Variants in TTYH3 observed in about 807,000 individuals in gnomAD.
TTYH3 encodes the protein protein tweety homolog 3.
TTYH3 carries 23 observed loss-of-function variants against 68.2 expected under a neutral mutation model. That is an observed-to-expected ratio of 0.34 (90% confidence interval 0.24 to 0.48). TTYH3 has a LOEUF of 0.48. TTYH3 is among the 20% of genes least tolerant of loss of function. The pLI is 0.99. For synonymous variants in TTYH3, 360 were observed against 332.8 expected (o/e 1.08, Z -0.89); for missense variants, 768 against 727.7 (o/e 1.06, Z -0.64).
intron 1 of TTYH3, among the ~76,000 whole-genome samples, chr7:2,638,814 G>T (rs2114974339): frequency 6.6e-6 from 1 of 152,312 alleles, no homozygotes; most frequent in African/African-American, 2.4e-5. Flanking sequence ...CCGCATGGGG[G>T]GCTGAGGCCT....
intron 1 of TTYH3, among the ~76,000 whole-genome samples, chr7:2,638,745 G>A (rs1020138096): frequency 2.0e-5 from 3 of 152,202 alleles, no homozygotes; most frequent in Admixed American, 6.5e-5. Flanking sequence ...GGCCAGTGTC[G>A]CTGGGAGCCT....
rs1457161033 is a variant in TTYH3, at chr7:2,645,709, C to G, written c.124-1144C>G. Reference sequence around the variant, plus strand: ...GTGCCCACCCCTGAGTGCAGCTTCTCGGTGCACAGACCCCAGACAGGATCA... The same window carrying G: ...GTGCCCACCCCTGAGTGCAGCTTCTGGGTGCACAGACCCCAGACAGGATCA... On this transcript the variant is annotated intron_variant, in intron 1 of 13. Coordinates refer to ENST00000258796, the MANE Select transcript of TTYH3 (RefSeq NM_025250.3). The surrounding 1 kb of genome is among the most constrained non-coding windows in gnomAD (Gnocchi z 4.8). 2.2e-6 allele frequency: 1 copy of G among 450,640 alleles called. No homozygotes were observed. Among genetic ancestry groups the G allele is most frequent in the African/African-American group, 2.0e-5 (1 of 49,034 alleles). 27.9% of individuals were successfully genotyped at this position (450,640 alleles called of 1,614,324 possible). A position where few individuals can be genotyped will look rare whatever the true frequency, so the allele number is the denominator to read the frequency against.
rs950360496 is a variant in TTYH3 at position 2,664,718 on chromosome 7, C to T, written c.*2979C>T. On this transcript the variant is annotated 3_prime_UTR_variant, in exon 14 of 14. Transcript: ENST00000258796. ...TTTCTTTGGGGGCTTTTTTTCTTGG[C>T]AAATACTAAAAATCTCGTCAATGTA... 6.6e-6 allele frequency: 1 copy of T among 152,136 alleles called. No individual in the cohort carries two copies. Among genetic ancestry groups the T allele is most frequent in the Non-Finnish European group, 1.5e-5 (1 of 67,996 alleles). 9.4% of individuals were successfully genotyped at this position (152,136 alleles called of 1,614,324 possible).
At position 2,661,732 on chromosome 7, in the gene TTYH3, G is replaced by A. The variant is rs1307680493; in HGVS notation, c.1565G>A (p.Ser522Asn). ...CAGCCTCGCCCTGACTCCAGCGGCAGCCACTAGACCGCGCCCGGCAGCCAC... is the reference window on the plus strand; with the variant it reads ...CAGCCTCGCCCTGACTCCAGCGGCAACCACTAGACCGCGCCCGGCAGCCAC... ...TSQPRPDSSG[S>N]H The change falls in exon 14 of 14, where the codon AGC (serine) becomes AAC (asparagine). Residue 522 changes from serine to asparagine, a missense_variant. Physicochemically the swap from Ser to Asn is conservative, Grantham distance 46. Transcript: ENST00000258796. 2 of 1,611,228 alleles carry A rather than the reference G, an allele frequency of 1.2e-6. No homozygotes were observed. The highest frequency in any genetic ancestry group is 1.3e-5 in the African/African-American group (1 of 74,868).
At chr7:2,646,407 C>A (rs950927966) in intron 1 of TTYH3, among the ~76,000 whole-genome samples, 2 of 152,212 alleles carry the variant, frequency 1.3e-5, no homozygotes, top group African/African-American at 4.8e-5. Flanking sequence ...GGTGGCTCAC[C>A]AGCAGCGTCC....
intron 1 of TTYH3, among the ~76,000 whole-genome samples, chr7:2,644,062 C>A (rs1352252030): frequency 6.6e-6 from 1 of 152,194 alleles, no homozygotes; most frequent in Non-Finnish European, 1.5e-5. Flanking sequence ...GTCTGACCAG[C>A]CCGGGGCCAA....
chr7:2,649,932 T>G lies in TTYH3; in HGVS notation c.815T>G (p.Val272Gly), dbSNP rs760620046. The change falls in exon 7 of 14, where the codon GTG (valine) becomes GGG (glycine). Residue 272 changes from valine (V) to glycine (G), a missense_variant. Val to Gly is a moderately radical substitution (Grantham distance 109, BLOSUM62 -3). Transcript: ENST00000258796. ...AVSVGSSDFC[V>G]DPDAYVTKMV... ...CCTCAGGGCTCCAGCGACTTCTGTG[T>G]GGACCCTGACGCCTACGTGACCAAA... is the stretch of plus-strand genomic sequence containing the variant. The G allele has an allele frequency of 1.2e-6, 2 of 1,613,926 alleles. No homozygotes were observed. The highest frequency in any genetic ancestry group is 1.7e-6 in the Non-Finnish European group (2 of 1,179,946).
chr7:2,639,702 C>G (rs549584836), intron 1 of TTYH3, among the ~76,000 whole-genome samples: 1 of 152,216 alleles, frequency 6.6e-6, no homozygotes, highest in African/African-American at 2.4e-5. Flanking sequence ...GCTGTGTGGC[C>G]GTTACCATAT....
At chr7:2,657,281 G>GTGATGGTGATGGTGATGCTGCCAACGA in intron 11 of TTYH3, among the ~76,000 whole-genome samples, 1 of 152,234 alleles carries the variant, frequency 6.6e-6, no homozygotes, top group Admixed American at 6.5e-5. Flanking sequence ...ATTTTCCTTT[G>GTGATGGTGATGGTGATGCTGCCAACGA]TGATGGTGAT....
chr7:2,632,038 A>C lies in TTYH3; in HGVS notation c.-118A>C. 1.6e-5 allele frequency: 15 copies of C among 911,994 alleles called. No homozygotes were observed. Among genetic ancestry groups the C allele is most frequent in the South Asian group, 5.2e-5 (1 of 19,124 alleles). 56.5% of individuals were successfully genotyped at this position (911,994 alleles called of 1,614,324 possible). On this transcript the variant is annotated 5_prime_UTR_variant, in exon 1 of 14. Transcript: ENST00000258796. ...CGAGCCGGGCCGGGCCGGGCCCAGG[A>C]GCGCGCGGATGATGCGGGCGGCCAG...
rs1054938599 is a variant in TTYH3, at chr7:2,661,735, A to G, written c.1568A>G (p.His523Arg). 1.6e-5 allele frequency: 26 copies of G among 1,610,796 alleles called. No individual in the cohort carries two copies. The highest frequency in any genetic ancestry group is 2.0e-5 in the Non-Finnish European group (24 of 1,179,328). ...CCTCGCCCTGACTCCAGCGGCAGCC[A>G]CTAGACCGCGCCCGGCAGCCACCCA... ...SQPRPDSSGSH is the reference protein window; with the variant it reads ...SQPRPDSSGSR The change falls in exon 14 of 14, where the codon CAC (histidine) becomes CGC (arginine). Residue 523 changes from histidine to arginine, a missense_variant. His to Arg is a conservative substitution (Grantham distance 29, BLOSUM62 0). Coordinates refer to ENST00000258796, the MANE Select transcript of TTYH3 (RefSeq NM_025250.3).
chr7:2,647,114 CTA>C, intron 2 of TTYH3, 26 bp from the exon 3 acceptor site: 1 of 1,571,200 alleles, frequency 6.4e-7, no homozygotes, highest in East Asian at 2.3e-5. Flanking sequence ...GTGGGCGGGG[CTA>C]CATCTCACGG....
At chr7:2,658,846 C>G (rs1786410932) in intron 12 of TTYH3, 94 bp from the exon 13 acceptor site, 1 of 1,203,190 alleles carries the variant, frequency 8.3e-7, no homozygotes, top group Non-Finnish European at 1.2e-6. Flanking sequence ...ATGTGCCCAT[C>G]TGGGCACAGC....
At chr7:2,644,033 G>A (rs927254670) in intron 1 of TTYH3, among the ~76,000 whole-genome samples, 1 of 152,200 alleles carries the variant, frequency 6.6e-6, no homozygotes, top group African/African-American at 2.4e-5. Flanking sequence ...GGAGAGCAGA[G>A]GGAGGGCTCG....
At chr7:2,640,151 G>A (rs1455970538) in intron 1 of TTYH3, among the ~76,000 whole-genome samples, 1 of 152,246 alleles carries the variant, frequency 6.6e-6, no homozygotes, top group Non-Finnish European at 1.5e-5. Context: ...GCGAGCAGCC[G>A]TGGCTGGAAT....
Position 2,649,905 on chromosome 7 carries a change from C to T in TTYH3, c.796-8C>T. On this transcript the variant is annotated splice_region_variant and splice_polypyrimidine_tract_variant and intron_variant, in intron 6 of 13. Coordinates refer to ENST00000258796, the MANE Select transcript of TTYH3 (RefSeq NM_025250.3). ...TCAACCCCTCTTGCTTGCCCACGCC[C>T]ACCTCAGGGCTCCAGCGACTTCTGT... is the stretch of plus-strand genomic sequence containing the variant. The T allele has an allele frequency of 6.2e-7, 1 of 1,613,850 alleles. No individual in the cohort carries two copies. The highest frequency in any genetic ancestry group is 8.5e-7 in the Non-Finnish European group (1 of 1,179,892).
intron 13 of TTYH3, chr7:2,660,106 C>A: frequency 8.0e-7 from 1 of 1,254,842 alleles, no homozygotes; most frequent in Non-Finnish European, 1.0e-6. Flanking sequence ...CCACCCTGCA[C>A]TCACTGCCGC....
At position 2,646,894 on chromosome 7, in the gene TTYH3, C is replaced by T; in HGVS notation, c.165C>T (p.Ala55=). 3 of 1,598,666 alleles carry T rather than the reference C, an allele frequency of 1.9e-6. No individual in the cohort carries two copies. Among genetic ancestry groups the T allele is most frequent in the Non-Finnish European group, 2.5e-6 (3 of 1,179,316 alleles). The change falls in exon 2 of 14, where the codon GCC becomes GCT. Residue 55 remains alanine, a synonymous_variant. Coordinates refer to ENST00000258796, the MANE Select transcript of TTYH3 (RefSeq NM_025250.3). ...GGGCCGCCGCCCTGGCCTGCCTCGC[C>T]CTGGACCTCCTCTTCCTGCTCTTCT... ...LLGAAALACL[A]LDLLFLLFYS...
At chr7:2,639,024 C>T (rs1284029106) in intron 1 of TTYH3, among the ~76,000 whole-genome samples, 3 of 152,150 alleles carry the variant, frequency 2.0e-5, no homozygotes, top group Non-Finnish European at 2.9e-5. Context: ...CCCAGGACAC[C>T]TGGGGGGTTC....
Sources: allele counts gnomAD v4.1 joint callset (sites outside exome capture counted in the v4.1 genomes callset), GRCh38; gene constraint gnomAD v4.1.1; non-coding constraint Gnocchi (gnomAD v3.1); transcripts MANE v1.5; gene names NCBI Gene and HGNC (gene_info 2026-07-23, HGNC 2026-07-21).